Variants in CACNA1E observed in about 807,000 individuals in gnomAD.
The protein encoded by CACNA1E is voltage-dependent R-type calcium channel subunit alpha-1E.
A neutral mutation model predicts 259.2 loss-of-function variants in CACNA1E; 40 were observed. That is an observed-to-expected ratio of 0.15 (90% CI 0.12 to 0.20). The LOEUF (loss-of-function observed/expected upper bound fraction) is 0.20. Among genes scored for constraint, CACNA1E ranks in the 10% least tolerant of loss-of-function variants. CACNA1E has a pLI of 1.00. For synonymous variants in CACNA1E, 1,104 were observed against 1,138.5 expected (o/e 0.97, Z 0.61); for missense variants, 1,874 against 3,040.1 (o/e 0.62, Z 9.02).
intron 1 of CACNA1E, among the ~76,000 whole-genome samples, chr1:181,404,178 G>A (rs1189093692): frequency 1.3e-5 from 2 of 152,152 alleles, no homozygotes; most frequent in Admixed American, 6.5e-5. Context: ...CAAACTGTAC[G>A]GACGGTGCAC....
chr1:181,529,706 T>C (rs1327704674), intron 3 of CACNA1E, among the ~76,000 whole-genome samples: 1 of 152,204 alleles, frequency 6.6e-6, no homozygotes, highest in African/African-American at 2.4e-5. Flanking sequence ...ACTGCCCCAC[T>C]GGATTTCGGA....
intron 46 of CACNA1E, among the ~76,000 whole-genome samples, chr1:181,795,476 T>C (rs962310851): frequency 2.2e-4 from 33 of 151,824 alleles, no homozygotes; most frequent in Non-Finnish European, 4.3e-4. Flanking sequence ...AGTTTCACTC[T>C]GCAGCACAGG....
At chr1:181,681,856 C>G (rs1397009697) in intron 7 of CACNA1E, among the ~76,000 whole-genome samples, 2 of 152,138 alleles carry the variant, frequency 1.3e-5, no homozygotes, top group African/African-American at 2.4e-5. Flanking sequence ...ATCTGGTTGG[C>G]TGGGGGCTTT....
At chr1:181,746,149 C>A (rs541659438) in intron 25 of CACNA1E, among the ~76,000 whole-genome samples, 1 of 152,274 alleles carries the variant, frequency 6.6e-6, no homozygotes, top group South Asian at 2.1e-4. Flanking sequence ...GAAAAATAAA[C>A]CCCAAATGGT....
At chr1:181,793,395 T>C (rs1162360208) in intron 44 of CACNA1E, among the ~76,000 whole-genome samples, 3 of 152,154 alleles carry the variant, frequency 2.0e-5, no homozygotes, top group Non-Finnish European at 4.4e-5. Context: ...AACAATAAAA[T>C]CTGAATCATT....
rs149419346 is a variant in CACNA1E at position 181,329,589 on chromosome 1, C to T, written c.-15+11466C>T. Among the ~76,000 whole-genome samples the T allele has an allele frequency of 5.7e-4, 87 of 152,256 alleles. 1 individual carries two copies. Among genetic ancestry groups the T allele is most frequent in the Admixed American group, 3.1e-3 (47 of 15,298 alleles). On this transcript the variant is annotated intron_variant, in intron 1 of 11. Coordinates refer to the CACNA1E transcript ENST00000524607. ...GTTCCCTCTCCCCATAATCTCCCAT[C>T]CTCTCACTCCCCATTCACCTGGTTA...
chr1:181,367,576 A>G (rs1343991455), intron 1 of CACNA1E, among the ~76,000 whole-genome samples: 1 of 143,514 alleles, frequency 7.0e-6, no homozygotes, highest in African/African-American at 2.5e-5. Context: ...ATATTATAAT[A>G]CTATAATATA....
intron 2 of CACNA1E, among the ~76,000 whole-genome samples, chr1:181,435,280 G>A (rs1283959755): frequency 6.6e-6 from 1 of 152,142 alleles, no homozygotes; most frequent in Non-Finnish European, 1.5e-5. Context: ...ATTACAGGGA[G>A]GCAATATGCA....
intron 1 of CACNA1E, among the ~76,000 whole-genome samples, chr1:181,398,143 C>A (rs1169331301): frequency 1.3e-5 from 2 of 152,212 alleles, no homozygotes; most frequent in Admixed American, 1.3e-4. Flanking sequence ...CTGCTGCCAT[C>A]TGAACATCTA....
intron 25 of CACNA1E, among the ~76,000 whole-genome samples, chr1:181,744,217 T>C (rs1209417076): frequency 6.6e-6 from 1 of 152,220 alleles, no homozygotes; most frequent in African/African-American, 2.4e-5. Context: ...GTCACTGAGA[T>C]GGATAAGGTC....
At chr1:181,755,745 AG>A (rs1658033283) in intron 28 of CACNA1E, among the ~76,000 whole-genome samples, 2 of 152,226 alleles carry the variant, frequency 1.3e-5, no homozygotes, top group Non-Finnish European at 2.9e-5. Context: ...CAGTAGTGAA[AG>A]GGTTAGGATT....
intron 1 of CACNA1E, among the ~76,000 whole-genome samples, chr1:181,320,813 G>T (rs149819996): frequency 2.0e-5 from 3 of 152,042 alleles, no homozygotes; most frequent in African/African-American, 2.4e-5. Context: ...TGTTACCCCC[G>T]TTTTTTCTGT....
Position 181,485,631 on chromosome 1 carries a change from C to T in CACNA1E, c.266+1621C>T, listed in dbSNP as rs907054171. ...TTCGGGCGGGGGAGGGGTCGGGTCC[C>T]TGCAGTCACGCCTGCCGGTGCGCTG... On this transcript the variant is annotated intron_variant, in intron 1 of 47. Coordinates refer to ENST00000367573, the MANE Select transcript of CACNA1E (RefSeq NM_001205293.3). This position sits in a 1 kb window ranked among gnomAD's most constrained non-coding sequence, Gnocchi z 4.2. 1.4e-4 allele frequency among the ~76,000 whole-genome samples: 21 copies of T among 152,180 alleles called. No homozygotes were observed. Among genetic ancestry groups the T allele is most frequent in the African/African-American group, 5.1e-4 (21 of 41,434 alleles).
chr1:181,443,598 T>C (rs766653495), intron 2 of CACNA1E, among the ~76,000 whole-genome samples: 10 of 152,228 alleles, frequency 6.6e-5, no homozygotes, highest in Non-Finnish European at 1.2e-4. Context: ...CACAGTCTTA[T>C]CACCTCACTA....
chr1:181,346,603 G>T (rs1347704834), intron 1 of CACNA1E, among the ~76,000 whole-genome samples: 1 of 152,158 alleles, frequency 6.6e-6, no homozygotes, highest in Non-Finnish European at 1.5e-5. Context: ...GCAATTCTCT[G>T]GGGCAGGGTT....
At chr1:181,675,330 T>C (rs1048164912) in intron 7 of CACNA1E, among the ~76,000 whole-genome samples, 16 of 152,138 alleles carry the variant, frequency 1.1e-4, no homozygotes, top group African/African-American at 3.1e-4. Flanking sequence ...AGAATATTAA[T>C]TGGAGACAGT....
At chr1:181,702,444 A>G (rs890067729) in intron 7 of CACNA1E, among the ~76,000 whole-genome samples, 2 of 152,146 alleles carry the variant, frequency 1.3e-5, no homozygotes, top group Non-Finnish European at 2.9e-5. Context: ...CAGGACAACC[A>G]GAGACATTCT....
chr1:181,377,473 A>G (rs1655182456), intron 1 of CACNA1E, among the ~76,000 whole-genome samples: 1 of 152,192 alleles, frequency 6.6e-6, no homozygotes, highest in Non-Finnish European at 1.5e-5. Context: ...GTTAGAGAGT[A>G]GGATCACTTT....
At chr1:181,479,352 CA>C (rs949350109), upstream of CACNA1E, among the ~76,000 whole-genome samples, 94 of 152,284 alleles carry the variant, frequency 6.2e-4, no homozygotes, top group Middle Eastern at 6.8e-3. Flanking sequence ...GCTCTGACAA[CA>C]GGAAAATACA....
Sources: gnomAD v4.1 joint callset for allele counts (sites outside exome capture counted in the v4.1 genomes callset) on GRCh38, gnomAD v4.1.1 for gene constraint, Gnocchi (gnomAD v3.1) non-coding constraint, MANE v1.5 for transcripts, NCBI Gene and HGNC (gene_info 2026-07-23, HGNC 2026-07-21) for gene names.